Variants in RBM19 observed in about 807,000 individuals in gnomAD.
The protein encoded by RBM19 is RNA binding motif protein 19.
In RBM19, 94 loss-of-function variants were observed where a neutral mutation model predicts 116.8. The ratio of observed to expected loss-of-function variants is 0.80; its 90% CI spans 0.68 to 0.95. The LOEUF is 0.95. Ranked by LOEUF, RBM19 falls within the 40% of genes least tolerant of loss-of-function variation. The pLI, the probability that RBM19 is intolerant of heterozygous loss-of-function variation, is 0.00. For missense variants in RBM19, 1,161 were observed against 1,220.7 expected, an observed-to-expected ratio of 0.95 and a Z score of 0.73; for synonymous variants, 475 against 494.1, an observed-to-expected ratio of 0.96 and a Z score of 0.51.
At chr12:113,924,899 C>T (rs1158483682) in intron 17 of RBM19, 142 bp from the exon 18 acceptor site, 2 of 690,082 alleles carry the variant, frequency 2.9e-6, no homozygotes, top group Admixed American at 4.4e-5. Flanking sequence ...GTGATGACCT[C>T]CTTTAAGTAA....
chr12:113,854,507 T>C (rs1276928723), intron 22 of RBM19, among the ~76,000 whole-genome samples: 2 of 151,962 alleles, frequency 1.3e-5, no homozygotes, highest in African/African-American at 4.8e-5. Flanking sequence ...CCTCCACATG[T>C]GGGGAAGGCT....
intron 22 of RBM19, among the ~76,000 whole-genome samples, chr12:113,856,136 G>T (rs193067709): frequency 1.3e-5 from 2 of 152,322 alleles, no homozygotes; most frequent in African/African-American, 4.8e-5. Context: ...TCCCGGAGAG[G>T]CTGTGAGTTG....
chr12:113,941,069 G>C (rs1004516829), intron 14 of RBM19, among the ~76,000 whole-genome samples: 32 of 152,310 alleles, frequency 2.1e-4, no homozygotes, highest in Non-Finnish European at 4.1e-4. Flanking sequence ...GCCTATCTGG[G>C]AATAAGTCTT....
intron 21 of RBM19, among the ~76,000 whole-genome samples, chr12:113,886,866 C>T (rs181050416): frequency 2.0e-5 from 3 of 152,206 alleles, no homozygotes; most frequent in East Asian, 3.9e-4. Context: ...CAAGGACAGA[C>T]GGGTCTGGGT....
chr12:113,937,004 T>TA lies in RBM19; in HGVS notation c.2068+2dup, dbSNP rs1370727505. ...CCATCCTGGTCTCAGACTCAGCTCT[T>TA]ACCTGTTTCTGGCTCTGCTGGGTCC... On this transcript the variant is annotated splice_region_variant and intron_variant, in intron 16 of 23. Coordinates refer to ENST00000261741, the MANE Select transcript of RBM19 (RefSeq NM_016196.4). 1 of 1,613,726 alleles carries TA rather than the reference T, an allele frequency of 6.2e-7. No individual in the cohort carries two copies. The highest frequency in any genetic ancestry group is 1.1e-5 in the South Asian group (1 of 91,036).
chr12:113,899,879 C>CGAGCAA (rs980093520), intron 21 of RBM19, among the ~76,000 whole-genome samples: 60 of 152,250 alleles, frequency 3.9e-4, no homozygotes, highest in African/African-American at 1.3e-3. Flanking sequence ...GGCGGCCCTC[C>CGAGCAA]GAGCAAGCCC....
chr12:113,851,828 A>G (rs1335064001), intron 22 of RBM19, among the ~76,000 whole-genome samples: 1 of 151,554 alleles, frequency 6.6e-6, no homozygotes, highest in Non-Finnish European at 1.5e-5. Flanking sequence ...GGCGGTGGGA[A>G]TCACTTGAGG....
At chr12:113,949,088 A>G in intron 9 of RBM19, 52 bp from the exon 10 acceptor site, 1 of 1,509,610 alleles carries the variant, frequency 6.6e-7, no homozygotes, top group Non-Finnish European at 9.1e-7. Flanking sequence ...ACTTGCCAGC[A>G]ACTCCTTGCT....
intron 21 of RBM19, among the ~76,000 whole-genome samples, chr12:113,907,480 G>A (rs1882141912): frequency 6.6e-6 from 1 of 152,208 alleles, no homozygotes; most frequent in Admixed American, 6.5e-5. Flanking sequence ...AGGAATGAAA[G>A]CACGCATTCA....
intron 19 of RBM19, 71 bp from the exon 20 acceptor site, chr12:113,918,518 A>G: frequency 6.5e-7 from 1 of 1,532,850 alleles, no homozygotes; most frequent in Non-Finnish European, 9.0e-7. Flanking sequence ...GCCCTTCACC[A>G]GAGCAGAGCC....
Position 113,878,670 on chromosome 12 carries a change from CA to C in RBM19, c.2559-19775del, listed in dbSNP as rs1477899596. Among the ~76,000 whole-genome samples the C allele has an allele frequency of 1.8e-3, 264 of 149,040 alleles. 2 individuals are homozygous for C. The highest frequency in any genetic ancestry group is 6.1e-3 in the African/African-American group (238 of 38,826). On this transcript the variant is annotated intron_variant, in intron 21 of 23. Transcript: ENST00000261741. ...ACACACACACACACACACACACACA[CA>C]CCCTCACTCAGCAAACGTCCCATAG... is the stretch of plus-strand genomic sequence containing the variant.
rs1256066164 is a variant in RBM19, at chr12:113,966,222, C to T, written c.6G>A (p.Ser2=). 8 of 1,614,280 alleles carry T rather than the reference C, an allele frequency of 5.0e-6. No homozygotes were observed. The highest frequency in any genetic ancestry group is 6.8e-6 in the Non-Finnish European group (8 of 1,180,050). M[S]RLIVKNLPNG... is the part of the protein sequence containing the mutation. ...TCGGGAGATTCTTCACGATCAGTCG[C>T]GACATGGCGCAGGGTCCCCGCTGTT... Residue 2 remains serine, a synonymous_variant, in exon 1 of 24, where the codon TCG becomes TCA. Transcript: ENST00000261741.
At chr12:113,858,755 G>A in intron 22 of RBM19, 36 bp downstream of exon 22, 2 of 1,591,888 alleles carry the variant, frequency 1.3e-6, no homozygotes, top group East Asian at 2.2e-5. Context: ...GGAAAGGGGA[G>A]GCCTGGACAG....
intron 16 of RBM19, chr12:113,927,464 A>AT: frequency 2.0e-6 from 1 of 504,456 alleles, no homozygotes; most frequent in South Asian, 3.5e-5. Flanking sequence ...AGGAATACAA[A>AT]ACACAGCCCT....
At chr12:113,960,923 C>T (rs1425704925) in intron 2 of RBM19, among the ~76,000 whole-genome samples, 5 of 152,198 alleles carry the variant, frequency 3.3e-5, no homozygotes, top group Admixed American at 3.3e-4. Flanking sequence ...TTTGAGAGCG[C>T]TGGTTACTGG....
At chr12:113,948,738 C>T (rs1239676086) in intron 10 of RBM19, 95 bp downstream of exon 10, 74 of 1,251,200 alleles carry the variant, frequency 5.9e-5, no homozygotes, top group Middle Eastern at 2.3e-4. Context: ...GATGTGGAGT[C>T]GTGTGCACAC....
chr12:113,936,167 T>C (rs1339090878), intron 16 of RBM19, among the ~76,000 whole-genome samples: 2 of 108,682 alleles, frequency 1.8e-5, no homozygotes, highest in Admixed American at 1.6e-4. Context: ...TTATTATTAT[T>C]TTTTTTAACA....
intron 18 of RBM19, among the ~76,000 whole-genome samples, chr12:113,924,439 G>C (rs1180274029): frequency 6.6e-6 from 1 of 152,168 alleles, no homozygotes; most frequent in East Asian, 1.9e-4. Flanking sequence ...AACCACCCCT[G>C]ACAGTTTGAG....
chr12:113,890,270 G>A (rs1880865636), intron 21 of RBM19, among the ~76,000 whole-genome samples: 1 of 152,198 alleles, frequency 6.6e-6, no homozygotes, highest in South Asian at 2.1e-4. Context: ...GCTCTGGGCC[G>A]TGAGTGGCCG....
Sources: gnomAD v4.1 joint callset for allele counts (sites outside exome capture counted in the v4.1 genomes callset) on GRCh38, gnomAD v4.1.1 for gene constraint, MANE v1.5 for transcripts, NCBI Gene and HGNC (gene_info 2026-07-23, HGNC 2026-07-21) for gene names.